Variants in TNR observed in about 807,000 individuals in gnomAD.
TNR encodes the protein tenascin R.
A neutral mutation model predicts 150.4 loss-of-function variants in TNR; 45 were observed. That is an observed-to-expected ratio of 0.30 (90% CI 0.24 to 0.38). The LOEUF (loss-of-function observed/expected upper bound fraction) is 0.38, where lower values mean the gene tolerates loss of function less well. Ranked by LOEUF, TNR falls within the 10% of genes least tolerant of loss-of-function variation. TNR has a pLI of 1.00. For synonymous variants in TNR, 687 were observed against 678.4 expected, an observed-to-expected ratio of 1.01 and a Z score of -0.20; for missense variants, 1,544 against 1,759.1, an observed-to-expected ratio of 0.88 and a Z score of 2.19.
chr1:175,583,402 A>G (rs1026050324), intron 1 of TNR, among the ~76,000 whole-genome samples: 6 of 152,236 alleles, frequency 3.9e-5, no homozygotes, highest in Admixed American at 2.6e-4. Context: ...AGCATCCTGC[A>G]AGAATTGCGA....
At chr1:175,433,800 A>G (rs1212654178) in intron 2 of TNR, among the ~76,000 whole-genome samples, 1 of 152,208 alleles carries the variant, frequency 6.6e-6, no homozygotes, top group Non-Finnish European at 1.5e-5. Context: ...GAATATTCAG[A>G]ATGAAGAAAC....
intron 1 of TNR, among the ~76,000 whole-genome samples, chr1:175,597,890 T>G (rs961944922): frequency 6.6e-6 from 1 of 152,246 alleles, no homozygotes; most frequent in African/African-American, 2.4e-5. Context: ...TCCATTGTTC[T>G]CTGTCATCAC....
At chr1:175,666,272 T>C (rs1665530256) in intron 1 of TNR, among the ~76,000 whole-genome samples, 1 of 152,218 alleles carries the variant, frequency 6.6e-6, no homozygotes, top group Non-Finnish European at 1.5e-5. Context: ...GCTTTATCTC[T>C]CTGGCCAATA....
Position 175,536,509 on chromosome 1 carries a change from C to T in TNR, c.-164-8140G>A, listed in dbSNP as rs563183173. Among the ~76,000 whole-genome samples the T allele has an allele frequency of 3.9e-5, 6 of 152,354 alleles. No homozygotes were observed. In the South Asian group the frequency reaches 1.2e-3, roughly 32 times the overall value. On this transcript the variant is annotated intron_variant, in intron 1 of 22. Transcript: ENST00000367674. Reference sequence around the variant, plus strand: ...AGTGATTGTGTAACTTGCTCAAGGTCACTGAACTTCCAAGTGGCAGAGCTG... The same window carrying T: ...AGTGATTGTGTAACTTGCTCAAGGTTACTGAACTTCCAAGTGGCAGAGCTG...
At chr1:175,399,078 G>T (rs767429149) in intron 4 of TNR, among the ~76,000 whole-genome samples, 1 of 152,196 alleles carries the variant, frequency 6.6e-6, no homozygotes, top group Non-Finnish European at 1.5e-5. Context: ...TATACATGGT[G>T]TCCCAAAGTA....
chr1:175,582,667 C>T (rs1371070540), intron 1 of TNR, among the ~76,000 whole-genome samples: 6 of 152,148 alleles, frequency 3.9e-5, no homozygotes, highest in Non-Finnish European at 7.4e-5. Flanking sequence ...AGTGTTCTTG[C>T]CTGGACCCAG....
intron 1 of TNR, among the ~76,000 whole-genome samples, chr1:175,549,053 C>T (rs144727291): frequency 3.7e-4 from 57 of 152,180 alleles, no homozygotes; most frequent in Non-Finnish European, 7.2e-4. Flanking sequence ...ATACACGTGC[C>T]AGGAGCAGCA....
chr1:175,610,791 G>A (rs1663570362), intron 1 of TNR, among the ~76,000 whole-genome samples: 1 of 152,128 alleles, frequency 6.6e-6, no homozygotes, highest in African/African-American at 2.4e-5. Flanking sequence ...AATGTTCTTC[G>A]ATTTGACACA....
chr1:175,513,844 A>G (rs1004756325), intron 2 of TNR, among the ~76,000 whole-genome samples: 2 of 152,202 alleles, frequency 1.3e-5, no homozygotes, highest in Admixed American at 1.3e-4. Context: ...CTCACTGCAC[A>G]TGCACATCTA....
At chr1:175,513,609 T>A (rs1376772866) in intron 2 of TNR, among the ~76,000 whole-genome samples, 1 of 152,194 alleles carries the variant, frequency 6.6e-6, no homozygotes, top group Non-Finnish European at 1.5e-5. Context: ...AGTAACATCA[T>A]CAAATATCAG....
intron 1 of TNR, among the ~76,000 whole-genome samples, chr1:175,621,246 G>A (rs1322183706): frequency 1.3e-5 from 2 of 152,080 alleles, no homozygotes; most frequent in South Asian, 2.1e-4. Context: ...ATCTATCTGC[G>A]CTCTAGCCTG....
chr1:175,550,941 G>A (rs1256710578), intron 1 of TNR, among the ~76,000 whole-genome samples: 1 of 152,126 alleles, frequency 6.6e-6, no homozygotes, highest in Non-Finnish European at 1.5e-5. Flanking sequence ...GGAGATAAAA[G>A]TGAGGCAATC....
rs1027642195 is a variant in TNR, at chr1:175,743,490, T to G, written c.-429A>C. The G allele has an allele frequency of 2.0e-5, 3 of 152,210 alleles. No individual in the cohort carries two copies. Among genetic ancestry groups the G allele is most frequent in the African/African-American group, 7.2e-5 (3 of 41,392 alleles). 9.4% of individuals were successfully genotyped at this position (152,210 alleles called of 1,614,324 possible). ...GTGGCTTCACTCCACTAGTGGTAAT[T>G]CCTTGGGTCAGAGAGGACCCCCTTC... On this transcript the variant is annotated 5_prime_UTR_variant, in exon 1 of 23. Coordinates refer to ENST00000367674, the MANE Select transcript of TNR (RefSeq NM_003285.3).
chr1:175,553,817 A>ACAC (rs1553238669), intron 1 of TNR, among the ~76,000 whole-genome samples: 8,083 of 145,312 alleles, frequency 0.056, 241 homozygotes, highest in African/African-American at 0.078. Flanking sequence ...TACAAGAACA[A>ACAC]ACACACACAC....
intron 1 of TNR, among the ~76,000 whole-genome samples, chr1:175,712,668 G>A (rs1226384320): frequency 6.6e-6 from 1 of 152,040 alleles, no homozygotes; most frequent in African/African-American, 2.4e-5. Flanking sequence ...TGATAGGTGA[G>A]TTCTCAGTCT....
intron 1 of TNR, among the ~76,000 whole-genome samples, chr1:175,564,996 C>T (rs983339096): frequency 1.3e-5 from 2 of 152,222 alleles, no homozygotes; most frequent in Non-Finnish European, 2.9e-5. Context: ...GGCAGGAATG[C>T]CCAAGGGACT....
chr1:175,450,471 G>A (rs1656252666), intron 2 of TNR, among the ~76,000 whole-genome samples: 1 of 152,256 alleles, frequency 6.6e-6, no homozygotes, highest in South Asian at 2.1e-4. Flanking sequence ...ACCTCTCCCA[G>A]TGCTGGGTTA....
At chr1:175,395,181 C>A (rs1653366162) in intron 5 of TNR, among the ~76,000 whole-genome samples, 1 of 152,144 alleles carries the variant, frequency 6.6e-6, no homozygotes, top group African/African-American at 2.4e-5. Context: ...AGCAAGGGGA[C>A]AAGATGACTT....
chr1:175,546,106 T>C (rs1336791761), intron 1 of TNR, among the ~76,000 whole-genome samples: 3 of 152,016 alleles, frequency 2.0e-5, no homozygotes, highest in African/African-American at 7.3e-5. Flanking sequence ...AAGAAATAAA[T>C]GAAGAGGCGA....
Sources: allele counts gnomAD v4.1 joint callset (sites outside exome capture counted in the v4.1 genomes callset), GRCh38; gene constraint gnomAD v4.1.1; transcripts MANE v1.5; gene names NCBI Gene and HGNC (gene_info 2026-07-23, HGNC 2026-07-21).